The following ST6GALNAC3 variants were observed in gnomAD, a reference collection of about 807,000 sequenced individuals.
The protein encoded by ST6GALNAC3 is ST6 N-acetylgalactosaminide alpha-2,6-sialyltransferase 3, also known as alpha-N-acetylgalactosaminide alpha-2,6-sialyltransferase 3.
ST6GALNAC3 carries 25 observed loss-of-function variants against 32.7 expected under a neutral mutation model. The ratio of observed to expected loss-of-function variants is 0.76; its 90% CI spans 0.56 to 1.07. The LOEUF (loss-of-function observed/expected upper bound fraction) is 1.07, where lower values mean the gene tolerates loss of function less well. Ranked by LOEUF, ST6GALNAC3 falls within the 50% of genes least tolerant of loss-of-function variation. The pLI is 0.00. For missense variants in ST6GALNAC3, 355 were observed against 382.4 expected, an observed-to-expected ratio of 0.93 and a Z score of 0.60; for synonymous variants, 129 against 133.1, an observed-to-expected ratio of 0.97 and a Z score of 0.21.
chr1:76,319,692 TA>T (rs1206726901), intron 2 of ST6GALNAC3, among the ~76,000 whole-genome samples: 11 of 152,202 alleles, frequency 7.2e-5, no homozygotes, highest in African/African-American at 9.7e-5. Flanking sequence ...AATTGTTAAT[TA>T]AAATCCGAAC....
chr1:76,354,791 C>T (rs529609061), intron 2 of ST6GALNAC3, among the ~76,000 whole-genome samples: 25 of 152,254 alleles, frequency 1.6e-4, no homozygotes, highest in Middle Eastern at 3.4e-3. Flanking sequence ...GACAATTCCA[C>T]GTTTATCTAC....
chr1:76,184,756 G>A (rs963656268), intron 1 of ST6GALNAC3, among the ~76,000 whole-genome samples: 1 of 152,172 alleles, frequency 6.6e-6, no homozygotes, highest in Non-Finnish European at 1.5e-5. Context: ...TATTGTGGCT[G>A]GACAGAGGAT....
chr1:76,507,737 T>A (rs943718233), intron 3 of ST6GALNAC3, among the ~76,000 whole-genome samples: 1 of 152,232 alleles, frequency 6.6e-6, no homozygotes, highest in African/African-American at 2.4e-5. Context: ...GTTATGAACA[T>A]TCCTTTACAA....
chr1:76,494,813 T>C (rs563449237), intron 3 of ST6GALNAC3, among the ~76,000 whole-genome samples: 1 of 151,906 alleles, frequency 6.6e-6, no homozygotes, highest in Admixed American at 6.6e-5. Context: ...CTCATGTGAT[T>C]ATGGAAATTG....
intron 3 of ST6GALNAC3, among the ~76,000 whole-genome samples, chr1:76,553,198 C>T (rs1249431159): frequency 6.6e-6 from 1 of 152,086 alleles, no homozygotes; most frequent in Non-Finnish European, 1.5e-5. Flanking sequence ...GTTTTTAGAT[C>T]TTTGTAGGTA....
chr1:76,383,768 C>G (rs1651894523), intron 2 of ST6GALNAC3, among the ~76,000 whole-genome samples: 1 of 152,102 alleles, frequency 6.6e-6, no homozygotes, highest in African/African-American at 2.4e-5. Context: ...AATGCAGGAG[C>G]AGGGTAAACT....
chr1:76,592,401 T>C (rs186397), intron 3 of ST6GALNAC3, among the ~76,000 whole-genome samples: 26,062 of 152,054 alleles, frequency 0.17, 3,113 homozygotes, highest in African/African-American at 0.34. Context: ...ACACCATTCA[T>C]TGAGATGGGA....
intron 2 of ST6GALNAC3, among the ~76,000 whole-genome samples, chr1:76,397,094 A>G (rs1244718250): frequency 6.6e-6 from 1 of 152,166 alleles, no homozygotes; most frequent in African/African-American, 2.4e-5. Context: ...TAATTATTCA[A>G]ACGAGAAAGG....
At chr1:76,195,882 T>C (rs1456094065) in intron 1 of ST6GALNAC3, among the ~76,000 whole-genome samples, 1 of 149,952 alleles carries the variant, frequency 6.7e-6, no homozygotes, top group Non-Finnish European at 1.5e-5. Context: ...TTTGAAGGAG[T>C]ATGGGTGAGG....
intron 3 of ST6GALNAC3, among the ~76,000 whole-genome samples, chr1:76,460,685 A>G (rs1658220944): frequency 6.6e-6 from 1 of 152,192 alleles, no homozygotes; most frequent in Admixed American, 6.5e-5. Context: ...ATTTGCATTA[A>G]CAATTGCTCT....
intron 3 of ST6GALNAC3, among the ~76,000 whole-genome samples, chr1:76,516,760 T>C (rs4357574): frequency 0.58 from 88,069 of 151,830 alleles, 26,158 homozygotes; most frequent in African/African-American, 0.71. Flanking sequence ...TCTTAGTTCG[T>C]GTATATTTTC....
At chr1:76,132,808 A>AT (rs1649700448) in intron 1 of ST6GALNAC3, among the ~76,000 whole-genome samples, 2 of 152,256 alleles carry the variant, frequency 1.3e-5, no homozygotes, top group Admixed American at 1.3e-4. Flanking sequence ...CTGCCTCTTA[A>AT]AGGCCTCTAG....
At chr1:76,522,717 A>G (rs1475740835) in intron 3 of ST6GALNAC3, among the ~76,000 whole-genome samples, 3 of 152,088 alleles carry the variant, frequency 2.0e-5, no homozygotes, top group Non-Finnish European at 4.4e-5. Flanking sequence ...CATGTTTCCA[A>G]TTGAAGTGGG....
intron 2 of ST6GALNAC3, among the ~76,000 whole-genome samples, chr1:76,356,390 A>G (rs1649445174): frequency 7.2e-6 from 1 of 139,294 alleles, no homozygotes; most frequent in Non-Finnish European, 1.5e-5. Flanking sequence ...CCGCATGCCA[A>G]CCCCCGATCT....
At chr1:76,189,754 A>G (rs1366737030) in intron 1 of ST6GALNAC3, among the ~76,000 whole-genome samples, 1 of 152,212 alleles carries the variant, frequency 6.6e-6, no homozygotes, top group Non-Finnish European at 1.5e-5. Context: ...AGAAAAGTAT[A>G]AGCGGTGCAA....
At chr1:76,527,934 G>C (rs969171414) in intron 3 of ST6GALNAC3, among the ~76,000 whole-genome samples, 1 of 152,092 alleles carries the variant, frequency 6.6e-6, no homozygotes, top group Non-Finnish European at 1.5e-5. Context: ...GCAATCAACT[G>C]TTCCCTGACT....
chr1:76,448,175 A>C (rs1657122921), intron 3 of ST6GALNAC3, among the ~76,000 whole-genome samples: 1 of 152,168 alleles, frequency 6.6e-6, no homozygotes, highest in Admixed American at 6.5e-5. Context: ...TGAGACATGG[A>C]GTCAAAGGAG....
intron 1 of ST6GALNAC3, among the ~76,000 whole-genome samples, chr1:76,170,806 T>C (rs1439638405): frequency 6.6e-6 from 1 of 152,208 alleles, no homozygotes; most frequent in Non-Finnish European, 1.5e-5. Flanking sequence ...TGTTGCATCT[T>C]AGAAATTAAA....
intron 1 of ST6GALNAC3, among the ~76,000 whole-genome samples, chr1:76,105,378 A>C (rs158620): frequency 0.27 from 41,662 of 152,128 alleles, 6,951 homozygotes; most frequent in African/African-American, 0.47. Context: ...GTGCCCCTAG[A>C]TGATTTCAGT....
Sources: gnomAD v4.1 joint callset for allele counts (sites outside exome capture counted in the v4.1 genomes callset) on GRCh38, gnomAD v4.1.1 for gene constraint, MANE v1.5 for transcripts, NCBI Gene and HGNC (gene_info 2026-07-23, HGNC 2026-07-21) for gene names.